Variants in PKD1 observed in about 807,000 individuals in gnomAD.
The protein encoded by PKD1 is polycystin-1.
In PKD1, 81 loss-of-function variants were observed where a neutral mutation model predicts 361.7. The ratio of observed to expected loss-of-function variants is 0.22; its 90% CI spans 0.19 to 0.27. The LOEUF is 0.27. Ranked by LOEUF, PKD1 falls within the 10% of genes least tolerant of loss-of-function variation. The pLI, the probability that PKD1 is intolerant of heterozygous loss-of-function variation, is 1.00. For synonymous variants in PKD1, 3,615 were observed against 2,818.3 expected (o/e 1.28, Z -8.95); for missense variants, 6,399 against 6,118.3 (o/e 1.05, Z -1.53).
intron 1 of PKD1, among the ~76,000 whole-genome samples, chr16:2,120,478 G>A (rs796398212): frequency 3.3e-5 from 5 of 152,282 alleles, no homozygotes; most frequent in African/African-American, 1.2e-4. Flanking sequence ...TAAACCCAGT[G>A]CTTTGGGAAG....
Position 2,123,989 on chromosome 16 carries a change from G to A in PKD1, c.216-4611C>T, listed in dbSNP as rs567827344. 1.7e-4 allele frequency among the ~76,000 whole-genome samples: 26 copies of A among 152,340 alleles called. No homozygotes were observed. The highest frequency in any genetic ancestry group is 1.7e-3 in the South Asian group (8 of 4,830). The stretch of plus-strand genomic sequence containing the variant: ...CGAGCGTCCGATCTGGAAGGCGGGA[G>A]GAGTTAGGACCATCCTAGCGTGGGA... On this transcript the variant is annotated intron_variant, in intron 1 of 45. Coordinates refer to ENST00000262304, the MANE Select transcript of PKD1 (RefSeq NM_001009944.3).
At position 2,103,435 on chromosome 16, in the gene PKD1, C is replaced by T. The variant is rs2092185470; in HGVS notation, c.8622G>A (p.Val2874=). 6.3e-7 allele frequency: 1 copy of T among 1,599,280 alleles called. No individual in the cohort carries two copies. ...ERLASERAIT[V]KVPNNSDWAA... Reference sequence around the variant, plus strand: ...CCCAGTCCGAGTTGTTGGGCACCTTCACGGTGATGGCGCGCTCTGAGGCCA... The same window carrying T: ...CCCAGTCCGAGTTGTTGGGCACCTTTACGGTGATGGCGCGCTCTGAGGCCA... The change falls in exon 23 of 46, where the codon GTG becomes GTA. Residue 2874 remains valine, a synonymous_variant. Coordinates refer to ENST00000262304, the MANE Select transcript of PKD1 (RefSeq NM_001009944.3).
chr16:2,111,551 C>T lies in PKD1; in HGVS notation c.3616G>A (p.Val1206Met). ...CCGCGGAGCTCCTCAAAGACGCGCA[C>T]ATCCGCCTGGGCCGCCGCACCGCTC... ...TVSGAAAQAD[V>M]RVFEELRGLS... The change falls in exon 15 of 46, where the codon GTG becomes ATG. Residue 1206 changes from valine (V) to methionine (M), a missense_variant. Val to Met is a conservative substitution (Grantham distance 21). Transcript: ENST00000262304. The T allele has an allele frequency of 2.5e-6, 4 of 1,591,706 alleles. No individual in the cohort carries two copies. The highest frequency in any genetic ancestry group is 1.3e-5 in the African/African-American group (1 of 74,608).
chr16:2,106,079 G>A lies in PKD1; in HGVS notation c.7703+12C>T, dbSNP rs542748732. The A allele has an allele frequency of 6.2e-5, 99 of 1,603,554 alleles. 1 individual carries two copies. The East Asian group carries it at 1.3e-3, about 21-fold the overall frequency. On this transcript the variant is annotated intron_variant, in intron 19 of 45. Coordinates refer to ENST00000262304, the MANE Select transcript of PKD1 (RefSeq NM_001009944.3). The surrounding 1 kb of genome is among the most constrained non-coding windows in gnomAD (Gnocchi z 6.5). ...GGCAGTCTCGGGGGCGCCCTCCCAC[G>A]GCCTGGCTCACCTGTTGAGGGCGAC...
Position 2,100,202 on chromosome 16 carries a change from T to G in PKD1, c.9676A>C (p.Asn3226His). The change falls in exon 28 of 46, where the codon AAC becomes CAC. Residue 3226 changes from asparagine to histidine, a missense_variant. Coordinates refer to ENST00000262304, the MANE Select transcript of PKD1 (RefSeq NM_001009944.3). This position sits in a 1 kb window ranked among gnomAD's most constrained non-coding sequence, Gnocchi z 4.4. ...NDWLSVETEA[N>H]GGLVEKEVLA... ...ACCTCCTTCTCCACCAGGCCCCCGT[T>G]GGCCTCCGTCTCCACCGAAAGCCAG... 1 of 1,609,956 alleles carries G rather than the reference T, an allele frequency of 6.2e-7. No homozygotes were observed. The highest frequency in any genetic ancestry group is 8.5e-7 in the Non-Finnish European group (1 of 1,179,198).
rs143272470 is a variant in PKD1, at chr16:2,098,269, C to T, written c.10051-285G>A. 1.0e-3 allele frequency: 514 copies of T among 500,752 alleles called. 2 individuals are homozygous for T. The East Asian group carries it at 0.01, about 10-fold the overall frequency. 31.0% of individuals were successfully genotyped at this position (500,752 alleles called of 1,614,324 possible). A position where few individuals can be genotyped will look rare whatever the true frequency, so the allele number is the denominator to read the frequency against. On this transcript the variant is annotated intron_variant, in intron 30 of 45. Coordinates refer to ENST00000262304, the MANE Select transcript of PKD1 (RefSeq NM_001009944.3). ...TGTCACCCAGGCTGGAGTGCAATGGCGCAATCTCAGCTCACTGCAACCTCC... is the reference window on the plus strand; with the variant it reads ...TGTCACCCAGGCTGGAGTGCAATGGTGCAATCTCAGCTCACTGCAACCTCC...
In PKD1 at chr16:2,115,558, C is replaced by T. The variant is rs774053618; in HGVS notation, c.1917G>A (p.Ala639=). ...GGCACCAGCGTCCCCCTGGCATGCA[C>T]GCGGGGGCCAGCTGGGTCCTGTTGT... ...SPDNRTQLAP[A]CMPGGRWCPG... The change falls in exon 10 of 46, where the codon GCG becomes GCA. Residue 639 remains alanine (A), a synonymous_variant. Transcript: ENST00000262304. The T allele has an allele frequency of 1.0e-5, 16 of 1,591,246 alleles. 1 individual carries two copies. Among genetic ancestry groups the T allele is most frequent in the South Asian group, 3.4e-5 (3 of 89,126 alleles).
In PKD1 at chr16:2,105,462, G is replaced by A. The variant is rs1297816267; in HGVS notation, c.7876C>T (p.Leu2626=). Residue 2626 remains leucine, a synonymous_variant, in exon 21 of 46, where the codon CTG becomes TTG. Coordinates refer to ENST00000262304, the MANE Select transcript of PKD1 (RefSeq NM_001009944.3). ...VTVLNEYERA[L]DVAAEPKHER... Reference sequence around the variant, plus strand: ...TGCTTGGGCTCTGCCGCCACGTCCAGGGCCCGCTCGTACTGGGGCAGGCAG... The same window carrying A: ...TGCTTGGGCTCTGCCGCCACGTCCAAGGCCCGCTCGTACTGGGGCAGGCAG... 7 of 1,594,706 alleles carry A rather than the reference G, an allele frequency of 4.4e-6. No homozygotes were observed. In the East Asian group the frequency reaches 1.1e-4, roughly 25 times the overall value.
chr16:2,126,197 G>A (rs539050528), intron 1 of PKD1, among the ~76,000 whole-genome samples: 4 of 152,350 alleles, frequency 2.6e-5, no homozygotes, highest in South Asian at 2.1e-4. Context: ...CTCAGAACCC[G>A]GAGCCCCTGT....
At chr16:2,097,016 G>A (rs374022445) in intron 34 of PKD1, 132 bp downstream of exon 34, 1 of 682,614 alleles carries the variant, frequency 1.5e-6, no homozygotes, top group Non-Finnish European at 2.6e-6. Context: ...GTTCAGAGAA[G>A]TGAAGTGGTG....
At position 2,090,784 on chromosome 16, in the gene PKD1, G is replaced by T; in HGVS notation, c.12028C>A (p.Arg4010Ser). The T allele has an allele frequency of 6.2e-7, 1 of 1,612,590 alleles. No individual in the cohort carries two copies. The highest frequency in any genetic ancestry group is 8.5e-7 in the Non-Finnish European group (1 of 1,179,962). ...GTCTTGCCAAAGACGGACCACTGGC[G>T]CACGAAGCGTAGCTGCTGGGCAGCC... ...VKAAQQLRFV[R>S]QWSVFGKTLC... Residue 4010 changes from arginine (R) to serine (S), a missense_variant, in exon 44 of 46, where the codon CGC (arginine) becomes AGC (serine). By Grantham distance (110) the Arg-to-Ser change is moderately radical. Transcript: ENST00000262304.
intron 20 of PKD1, 125 bp from the exon 21 acceptor site, chr16:2,105,599 A>G (rs989056984): frequency 6.8e-5 from 107 of 1,585,020 alleles, no homozygotes; most frequent in Non-Finnish European, 8.3e-5. Flanking sequence ...GCACTGACCC[A>G]CAACACTGAG....
chr16:2,092,400 C>CTGATGCCAGA, intron 39 of PKD1, 80 bp downstream of exon 39: 1 of 1,076,830 alleles, frequency 9.3e-7, no homozygotes, highest in South Asian at 1.3e-5. Context: ...GGGAGCAGGG[C>CTGATGCCAGA]TGATGCCAGA....
intron 1 of PKD1, among the ~76,000 whole-genome samples, chr16:2,122,487 TC>T (rs1286160411): frequency 6.6e-6 from 1 of 152,078 alleles, no homozygotes; most frequent in African/African-American, 2.4e-5. Flanking sequence ...GCTGAGGTGC[TC>T]CCCACTGCCC....
At chr16:2,115,232 T>A in intron 10 of PKD1, 146 bp downstream of exon 10, 1 of 1,059,414 alleles carries the variant, frequency 9.4e-7, no homozygotes, top group Non-Finnish European at 1.4e-6. Context: ...CCGAGGGCAC[T>A]GCAGAGGTCG....
At position 2,097,161 on chromosome 16, in the gene PKD1, G is replaced by T. The variant is rs952446920; in HGVS notation, c.10486C>A (p.Leu3496Met). The change falls in exon 34 of 46, where the codon CTG becomes ATG. Residue 3496 changes from leucine (L) to methionine (M), a missense_variant. Physicochemically the swap from Leu to Met is conservative, Grantham distance 15. Transcript: ENST00000262304. ...CCGGACACTCACAGGCTGCTGAGCAGGTCCGTTTCCATGTGGGTGTCTTGG... is the reference window on the plus strand; with the variant it reads ...CCGGACACTCACAGGCTGCTGAGCATGTCCGTTTCCATGTGGGTGTCTTGG... ...PTQDTHMETDLLSSLSSTPGE... is the reference protein window; with the variant it reads ...PTQDTHMETDMLSSLSSTPGE... 1 of 1,551,516 alleles carries T rather than the reference G, an allele frequency of 6.4e-7. No individual in the cohort carries two copies. The highest frequency in any genetic ancestry group is 1.4e-5 in the African/African-American group (1 of 73,086).
chr16:2,122,558 G>T (rs2092738167), intron 1 of PKD1, among the ~76,000 whole-genome samples: 1 of 152,232 alleles, frequency 6.6e-6, no homozygotes, highest in Non-Finnish European at 1.5e-5. Context: ...CCGCCGTGGG[G>T]TGGGACAGGG....
In PKD1 at chr16:2,102,487, G is replaced by A. The variant is rs2092137055; in HGVS notation, c.9095C>T (p.Pro3032Leu). The change falls in exon 25 of 46, where the codon CCC (proline) becomes CTC (leucine). Residue 3032 changes from proline to leucine, a missense_variant. Coordinates refer to ENST00000262304, the MANE Select transcript of PKD1 (RefSeq NM_001009944.3). ...CTGGCGGGGCGAGGTCTCCTCCAGG[G>A]GCAGCAGCCCCTCTGTCCGCCACAC... ...DMVWRTEGLL[P>L]LEETSPRQAV... The A allele has an allele frequency of 6.3e-7, 1 of 1,574,896 alleles. No individual in the cohort carries two copies. Among genetic ancestry groups the A allele is most frequent in the South Asian group, 1.1e-5 (1 of 87,230 alleles).
At position 2,117,995 on chromosome 16, in the gene PKD1, C is replaced by T. The variant is rs772316684; in HGVS notation, c.997G>A (p.Val333Met). 240 of 1,577,832 alleles carry T rather than the reference C, an allele frequency of 1.5e-4. 1 individual carries two copies. Among genetic ancestry groups the T allele is most frequent in the Non-Finnish European group, 1.9e-4 (221 of 1,164,278 alleles). Residue 333 changes from valine (V) to methionine (M), a missense_variant, in exon 5 of 46, where the codon GTG becomes ATG. Val to Met is a conservative substitution (Grantham distance 21). Coordinates refer to ENST00000262304, the MANE Select transcript of PKD1 (RefSeq NM_001009944.3). The stretch of plus-strand genomic sequence containing the variant: ...GCCCCCAGGGCCAGCACGGCCGTCA[C>T]GTGATAGCGCCCAGGCAGCACATAG... ...HRYVLPGRYHVTAVLALGAGS... is the reference protein window; with the variant it reads ...HRYVLPGRYHMTAVLALGAGS...
Sources: allele counts gnomAD v4.1 joint callset (sites outside exome capture counted in the v4.1 genomes callset), GRCh38; gene constraint gnomAD v4.1.1; non-coding constraint Gnocchi (gnomAD v3.1); transcripts MANE v1.5; gene names NCBI Gene and HGNC (gene_info 2026-07-23, HGNC 2026-07-21).